Variants in CFHR5 observed in about 807,000 individuals in gnomAD.
The protein encoded by CFHR5 is complement factor H related 5.
A neutral mutation model predicts 62.9 loss-of-function variants in CFHR5; 73 were observed. The observed-to-expected ratio is 1.16, with a 90% CI of 0.96 to 1.41. The LOEUF (loss-of-function observed/expected upper bound fraction) is 1.41, where lower values mean the gene tolerates loss of function less well. Ranked by LOEUF, CFHR5 falls within the 40% of genes most tolerant of loss-of-function variation. CFHR5 has a pLI of 0.00. For missense variants in CFHR5, 779 were observed against 679.9 expected (o/e 1.15, Z -1.62); for synonymous variants, 249 against 227.2 (o/e 1.10, Z -0.86).
intron 7 of CFHR5, among the ~76,000 whole-genome samples, chr1:196,999,557 T>C (rs1654077376): frequency 1.3e-5 from 2 of 150,992 alleles, no homozygotes; most frequent in Admixed American, 6.6e-5. Flanking sequence ...AGTGATGTAA[T>C]GTTTAAAATA....
chr1:197,005,297 G>T (rs1270127105), intron 9 of CFHR5, among the ~76,000 whole-genome samples: 2 of 152,150 alleles, frequency 1.3e-5, no homozygotes, highest in Non-Finnish European at 2.9e-5. Flanking sequence ...CTTTTTACTT[G>T]CATGTTGGCA....
chr1:196,990,713 G>A (rs1170878), intron 3 of CFHR5, among the ~76,000 whole-genome samples: 17,193 of 152,060 alleles, frequency 0.11, 1,190 homozygotes, highest in African/African-American at 0.19. Flanking sequence ...CTCTCTTCTG[G>A]CTTGTAGAGT....
At chr1:196,989,575 G>T (rs1653786335) in intron 3 of CFHR5, among the ~76,000 whole-genome samples, 1 of 152,058 alleles carries the variant, frequency 6.6e-6, no homozygotes. Flanking sequence ...TTGTGGCTTT[G>T]TTCTCCTTGG....
At chr1:197,004,977 A>G in intron 9 of CFHR5, 134 bp downstream of exon 9, 1 of 734,802 alleles carries the variant, frequency 1.4e-6, no homozygotes, top group East Asian at 2.7e-5. Context: ...AAATACATAC[A>G]AGGAAACATT....
At chr1:196,975,650 C>T (rs368419856), upstream of CFHR5, among the ~76,000 whole-genome samples, 71 of 152,222 alleles carry the variant, frequency 4.7e-4, no homozygotes, top group Middle Eastern at 3.4e-3. Flanking sequence ...ATTAGCAAAG[C>T]ACAAAGTGAG....
chr1:196,986,309 A>G (rs1430671091), intron 3 of CFHR5, among the ~76,000 whole-genome samples: 1 of 152,090 alleles, frequency 6.6e-6, no homozygotes, highest in East Asian at 1.9e-4. Context: ...ACACCATGCA[A>G]TAACCATATA....
At position 196,996,096 on chromosome 1, in the gene CFHR5, C is replaced by G. The variant is rs777469135; in HGVS notation, c.865C>G (p.His289Asp). The G allele has an allele frequency of 2.5e-6, 4 of 1,613,522 alleles. No individual in the cohort carries two copies. Among genetic ancestry groups the G allele is most frequent in the Admixed American group, 3.3e-5 (2 of 60,002 alleles). Residue 289 changes from histidine (H) to aspartate (D), a missense_variant, in exon 6 of 10, where the codon CAT becomes GAT. His to Asp is a moderately conservative substitution (Grantham distance 81, BLOSUM62 -1). Transcript: ENST00000256785. Reference protein sequence around the residue: ...YVQPSVPPYQHGVSVEVNCRN... With the variant: ...YVQPSVPPYQDGVSVEVNCRN... ...TCAGCCGTCTGTCCCTCCCTATCAA[C>G]ATGGAGTTTCAGTCGAGGTGAATTG... is the stretch of plus-strand genomic sequence containing the variant.
At chr1:197,005,530 T>C (rs1654263453) in intron 9 of CFHR5, among the ~76,000 whole-genome samples, 1 of 152,190 alleles carries the variant, frequency 6.6e-6, no homozygotes, top group Non-Finnish European at 1.5e-5. Flanking sequence ...AAAAGGAGAT[T>C]CTTTTATCGG....
intron 3 of CFHR5, among the ~76,000 whole-genome samples, chr1:196,989,439 C>G (rs1653782113): frequency 6.6e-6 from 1 of 152,108 alleles, no homozygotes; most frequent in Non-Finnish European, 1.5e-5. Flanking sequence ...TCTTGCTTCT[C>G]TAGTTCTTTC....
chr1:196,975,662 A>T (rs1168102731), upstream of CFHR5, among the ~76,000 whole-genome samples: 2 of 152,174 alleles, frequency 1.3e-5, no homozygotes, highest in Non-Finnish European at 2.9e-5. Context: ...CAAAGTGAGG[A>T]TTGGTGGTTA....
intron 4 of CFHR5, 128 bp downstream of exon 4, chr1:196,994,384 G>T: frequency 1.3e-6 from 1 of 768,294 alleles, no homozygotes; most frequent in Non-Finnish European, 2.2e-6. Context: ...GAGAAAGGAT[G>T]CAGTTCTATA....
At chr1:196,999,699 A>ATGTATATATATG (rs1558288928) in intron 7 of CFHR5, among the ~76,000 whole-genome samples, 1 of 43,214 alleles carries the variant, frequency 2.3e-5, no homozygotes, top group African/African-American at 5.6e-5. Context: ...ATATATATAT[A>ATGTATATATATG]TATATATATA....
At chr1:196,994,622 G>A (rs561431299) in intron 4 of CFHR5, among the ~76,000 whole-genome samples, 4 of 151,990 alleles carry the variant, frequency 2.6e-5, no homozygotes, top group Non-Finnish European at 5.9e-5. Context: ...TTGCATATAC[G>A]AATTATTCAT....
intron 1 of CFHR5, among the ~76,000 whole-genome samples, chr1:196,982,226 C>A (rs1194973784): frequency 6.6e-6 from 1 of 152,108 alleles, no homozygotes; most frequent in African/African-American, 2.4e-5. Context: ...CCTATCACTC[C>A]TCTACTGTAC....
chr1:196,984,005 T>C lies in CFHR5; in HGVS notation c.298T>C (p.Ser100Pro). The C allele has an allele frequency of 8.1e-6, 13 of 1,612,714 alleles. No individual in the cohort carries two copies. Among genetic ancestry groups the C allele is most frequent in the Non-Finnish European group, 1.1e-5 (13 of 1,179,074 alleles). ...PFVKNGHSESSGLIHLEGDTV... is the reference protein window; with the variant it reads ...PFVKNGHSESPGLIHLEGDTV... ...TGTGAAAAATGGTCATTCTGAATCT[T>C]CAGGACTAATACATCTGGAAGGTGA... is the stretch of plus-strand genomic sequence containing the variant. Residue 100 changes from serine to proline, a missense_variant, in exon 3 of 10, where the codon TCA becomes CCA. By Grantham distance (74) the Ser-to-Pro change is moderately conservative (BLOSUM62 -1). Coordinates refer to ENST00000256785, the MANE Select transcript of CFHR5 (RefSeq NM_030787.4).
rs937988151 is a variant in CFHR5, at chr1:197,006,509, C to T, written c.1513+1666C>T. Among the ~76,000 whole-genome samples the T allele has an allele frequency of 1.4e-4, 21 of 151,876 alleles. 1 individual carries two copies. The highest frequency in any genetic ancestry group is 1.0e-3 in the Admixed American group (16 of 15,254). ...GAAGAATCACCTGAGGTCGGGAGTT[C>T]GAGACTAGCCTGACCAATATGGAGA... On this transcript the variant is annotated intron_variant, in intron 9 of 9. Coordinates refer to ENST00000256785, the MANE Select transcript of CFHR5 (RefSeq NM_030787.4).
At position 196,979,161 on chromosome 1, in the gene CFHR5, G is replaced by A. The variant is rs76404770; in HGVS notation, c.58+1439G>A. ...AAGAAGCTGGAAAGAATATGACAAC[G>A]CCACCCACCCCTCACTACTACTTAG... On this transcript the variant is annotated intron_variant, in intron 1 of 9. Coordinates refer to ENST00000256785, the MANE Select transcript of CFHR5 (RefSeq NM_030787.4). Among the ~76,000 whole-genome samples the A allele has an allele frequency of 7.8e-3, 1,179 of 152,046 alleles. 14 individuals carry two copies. Among genetic ancestry groups the A allele is most frequent in the African/African-American group, 0.025 (1,022 of 41,456 alleles).
intron 3 of CFHR5, among the ~76,000 whole-genome samples, chr1:196,993,198 T>C (rs1286756921): frequency 6.6e-6 from 1 of 152,186 alleles, no homozygotes; most frequent in Non-Finnish European, 1.5e-5. Context: ...TAAAAGTCTT[T>C]GATATTTAGT....
At chr1:196,996,324 A>C (rs1048957183) in intron 6 of CFHR5, 123 bp downstream of exon 6, 4 of 769,972 alleles carry the variant, frequency 5.2e-6, no homozygotes, top group Non-Finnish European at 9.0e-6. Flanking sequence ...CCACAAGTAA[A>C]ATATGTCAAT....
Sources: gnomAD v4.1 joint callset for allele counts (sites outside exome capture counted in the v4.1 genomes callset) on GRCh38, gnomAD v4.1.1 for gene constraint, MANE v1.5 for transcripts, NCBI Gene and HGNC (gene_info 2026-07-23, HGNC 2026-07-21) for gene names.